The following TASP1 variants were observed in gnomAD, a reference collection of about 807,000 sequenced individuals.
TASP1 encodes taspase 1.
Under a neutral mutation model 56.6 loss-of-function variants are expected in TASP1, and 16 were observed. That is an observed-to-expected ratio of 0.28 (90% CI 0.19 to 0.43). The LOEUF (loss-of-function observed/expected upper bound fraction) is 0.43, where lower values mean the gene tolerates loss of function less well. Among genes scored for constraint, TASP1 ranks in the 20% least tolerant of loss-of-function variants. The probability of loss-of-function intolerance (pLI) is 1.00; values close to 1 mark genes in which losing one functional copy is unlikely to be tolerated. For missense variants in TASP1, 393 were observed against 511.6 expected (o/e 0.77, Z 2.24); for synonymous variants, 179 against 184.2 (o/e 0.97, Z 0.23).
chr20:13,299,106 T>C, the TASP1 span: 1 of 1,613,688 alleles, frequency 6.2e-7, no homozygotes, highest in Non-Finnish European at 8.5e-7. This position sits in a 1 kb window ranked among gnomAD's most constrained non-coding sequence, Gnocchi z 5.8. Flanking sequence ...GGACTTCCGC[T>C]GGAAGGACGC....
At chr20:13,210,616 C>A in the TASP1 span, among the ~76,000 whole-genome samples, 1 of 147,502 alleles carries the variant, frequency 6.8e-6, no homozygotes, top group East Asian at 2.0e-4. Flanking sequence ...CATGTGCACA[C>A]GTGTGTGTGT....
chr20:13,154,208 G>A, the TASP1 span: 1 of 1,583,434 alleles, frequency 6.3e-7, no homozygotes, highest in Non-Finnish European at 8.6e-7. Flanking sequence ...TTTGGCACAG[G>A]CGTTAGATTA....
At chr20:13,395,693 C>CTTTTT (rs71188158) in intron 13 of TASP1, among the ~76,000 whole-genome samples, 8 of 136,412 alleles carry the variant, frequency 5.9e-5, no homozygotes, top group African/African-American at 1.4e-4. Flanking sequence ...CCTCAGCTTT[C>CTTTTT]TTTTTTTTTT....
Position 13,576,397 on chromosome 20 carries a change from GTC to G in TASP1, c.488+4498_488+4499del, listed in dbSNP as rs1568603496. ...AGAAAGAAAGAAAGAAAGAAAGAAA[GTC>G]AGTCTTATGGAATCTATAAAAATGG... On this transcript the variant is annotated intron_variant, in intron 6 of 13. Transcript: ENST00000337743. Among the ~76,000 whole-genome samples, 24 of 149,916 alleles carry G rather than the reference GTC, an allele frequency of 1.6e-4. No homozygotes were observed. The East Asian group carries it at 3.5e-3, about 22-fold the overall frequency.
At chr20:13,423,998 G>A (rs1253028191) in intron 12 of TASP1, among the ~76,000 whole-genome samples, 1 of 152,152 alleles carries the variant, frequency 6.6e-6, no homozygotes, top group Non-Finnish European at 1.5e-5. Flanking sequence ...GGGGCATGAA[G>A]AAGCCTCTAC....
chr20:13,239,559 C>G, the TASP1 span: 1 of 152,146 alleles, frequency 6.6e-6, no homozygotes, highest in African/African-American at 2.4e-5. Flanking sequence ...TTTGTGCCAC[C>G]AGGATACGTG....
chr20:13,294,556 G>GA, the TASP1 span, among the ~76,000 whole-genome samples: 1 of 152,194 alleles, frequency 6.6e-6, no homozygotes, highest in Non-Finnish European at 1.5e-5. Context: ...TGTGGCTAAG[G>GA]ACACCAGAGC....
chr20:13,309,651 G>A, the TASP1 span, among the ~76,000 whole-genome samples: 1 of 152,108 alleles, frequency 6.6e-6, no homozygotes, highest in Non-Finnish European at 1.5e-5. Flanking sequence ...GACAGGAAGT[G>A]AATTTATCTC....
chr20:13,495,638 TGA>T (rs1487023041), intron 10 of TASP1, among the ~76,000 whole-genome samples: 1 of 152,136 alleles, frequency 6.6e-6, no homozygotes, highest in African/African-American at 2.4e-5. Context: ...CCACCTCAAA[TGA>T]GTTAGGTAAC....
the TASP1 span, among the ~76,000 whole-genome samples, chr20:13,192,551 C>T: frequency 1.3e-5 from 2 of 151,858 alleles, no homozygotes; most frequent in Admixed American, 1.3e-4. Context: ...CACAAACACA[C>T]ACACACAGGC....
At chr20:13,113,582 A>C in the TASP1 span, among the ~76,000 whole-genome samples, 1 of 152,246 alleles carries the variant, frequency 6.6e-6, no homozygotes, top group East Asian at 1.9e-4. Flanking sequence ...ATTCATATGT[A>C]GAATATAGAG....
chr20:13,516,658 G>GTTTT (rs34296221), intron 10 of TASP1, among the ~76,000 whole-genome samples: 1 of 124,844 alleles, frequency 8.0e-6, no homozygotes. Flanking sequence ...TTACGCCTTT[G>GTTTT]TTTTTTTTTT....
At chr20:13,436,402 A>G (rs2043003925) in intron 11 of TASP1, among the ~76,000 whole-genome samples, 1 of 151,896 alleles carries the variant, frequency 6.6e-6, no homozygotes, top group Non-Finnish European at 1.5e-5. Flanking sequence ...TGCCACAGAG[A>G]CCGTGACACA....
chr20:13,597,988 C>T (rs1359142811), intron 4 of TASP1, among the ~76,000 whole-genome samples: 1 of 151,418 alleles, frequency 6.6e-6, no homozygotes, highest in Non-Finnish European at 1.5e-5. Context: ...ATGTGAAGGA[C>T]CTCTTCAAGG....
chr20:13,607,656 C>A (rs947030942), intron 4 of TASP1, among the ~76,000 whole-genome samples: 4 of 152,158 alleles, frequency 2.6e-5, no homozygotes, highest in African/African-American at 9.7e-5. Flanking sequence ...CACACTCTGT[C>A]GCTCAAGTGC....
At chr20:13,594,433 T>C (rs570715584) in intron 4 of TASP1, among the ~76,000 whole-genome samples, 58 of 152,284 alleles carry the variant, frequency 3.8e-4, no homozygotes, top group African/African-American at 1.3e-3. Flanking sequence ...TTCTCCGAGC[T>C]AAAGGAGCAT....
At chr20:13,125,165 C>A in the TASP1 span, among the ~76,000 whole-genome samples, 2 of 152,142 alleles carry the variant, frequency 1.3e-5, no homozygotes, top group Non-Finnish European at 2.9e-5. Flanking sequence ...AGCTCTGAGG[C>A]CCTCACCACT....
intron 11 of TASP1, among the ~76,000 whole-genome samples, chr20:13,480,349 A>G (rs746678137): frequency 6.6e-6 from 1 of 152,142 alleles, no homozygotes; most frequent in Non-Finnish European, 1.5e-5. Flanking sequence ...ACCATTTTAC[A>G]TTTTTTATTT....
At chr20:13,403,837 G>A (rs192226388) in intron 13 of TASP1, among the ~76,000 whole-genome samples, 4 of 152,152 alleles carry the variant, frequency 2.6e-5, no homozygotes, top group East Asian at 1.9e-4. Flanking sequence ...AGCCATAATC[G>A]GGTCACTGCA....
Sources: gnomAD v4.1 joint callset for allele counts (sites outside exome capture counted in the v4.1 genomes callset) on GRCh38, gnomAD v4.1.1 for gene constraint, Gnocchi (gnomAD v3.1) non-coding constraint, MANE v1.5 for transcripts, NCBI Gene and HGNC (gene_info 2026-07-23, HGNC 2026-07-21) for gene names.